The following CSMD1 variants were observed in gnomAD, a reference collection of about 807,000 sequenced individuals.
CSMD1 encodes CUB and Sushi multiple domains 1.
A neutral mutation model predicts 417.5 loss-of-function variants in CSMD1; 213 were observed. That is an observed-to-expected ratio of 0.51 (90% CI 0.46 to 0.57). The LOEUF is 0.57. Ranked by LOEUF, CSMD1 falls within the 20% of genes least tolerant of loss-of-function variation. The pLI is 0.00. For missense variants in CSMD1, 6,923 were observed against 4,529.7 expected (o/e 1.53, Z -15.17); for synonymous variants, 2,862 against 1,736.8 (o/e 1.65, Z -16.11).
chr8:4,986,980 A>G (rs1398259349), intron 1 of CSMD1, among the ~76,000 whole-genome samples: 1 of 152,156 alleles, frequency 6.6e-6, no homozygotes, highest in Non-Finnish European at 1.5e-5. Context: ...TACATAGATA[A>G]TGTTTATATA....
chr8:3,980,459 G>A (rs527325873), intron 5 of CSMD1, among the ~76,000 whole-genome samples: 1 of 152,100 alleles, frequency 6.6e-6, no homozygotes, highest in Non-Finnish European at 1.5e-5. Flanking sequence ...CGTTTGTGAA[G>A]ATTTTTTTTT....
At chr8:3,277,820 G>C (rs1802419128) in intron 26 of CSMD1, among the ~76,000 whole-genome samples, 2 of 152,122 alleles carry the variant, frequency 1.3e-5, no homozygotes, top group South Asian at 4.1e-4. Context: ...TAATGGGATT[G>C]GGGGGATGAA....
intron 5 of CSMD1, among the ~76,000 whole-genome samples, chr8:3,884,828 T>G (rs1465028386): frequency 1.3e-5 from 2 of 151,780 alleles, no homozygotes; most frequent in Non-Finnish European, 2.9e-5. Context: ...AATCTCTACT[T>G]CGTCGTCAGT....
At chr8:4,640,213 A>T (rs989517579) in intron 1 of CSMD1, among the ~76,000 whole-genome samples, 2 of 152,250 alleles carry the variant, frequency 1.3e-5, no homozygotes, top group African/African-American at 4.8e-5. Flanking sequence ...TGATCCATTC[A>T]TTGACATTCC....
At chr8:3,283,178 C>G (rs567684293) in intron 26 of CSMD1, among the ~76,000 whole-genome samples, 1 of 152,024 alleles carries the variant, frequency 6.6e-6, no homozygotes, top group African/African-American at 2.4e-5. Flanking sequence ...AACTTTATCC[C>G]TAAGGTGGAA....
At chr8:4,152,980 T>C (rs1325898660) in intron 3 of CSMD1, among the ~76,000 whole-genome samples, 1 of 152,206 alleles carries the variant, frequency 6.6e-6, no homozygotes, top group Non-Finnish European at 1.5e-5. Flanking sequence ...TTTTCTGCTA[T>C]GACAAGGTGA....
chr8:3,714,608 G>T (rs1446616954), intron 6 of CSMD1, among the ~76,000 whole-genome samples: 1 of 143,164 alleles, frequency 7.0e-6, no homozygotes, highest in Non-Finnish European at 1.5e-5. Flanking sequence ...ATGGTGGCGG[G>T]CGACTGTAGT....
At chr8:3,452,786 G>C (rs1351871730) in intron 12 of CSMD1, among the ~76,000 whole-genome samples, 4 of 152,026 alleles carry the variant, frequency 2.6e-5, no homozygotes, top group African/African-American at 4.8e-5. Context: ...CTCTTTTTTT[G>C]TTGTGTCTCT....
intron 3 of CSMD1, among the ~76,000 whole-genome samples, chr8:4,239,057 C>CA (rs1802235697): frequency 6.6e-6 from 1 of 152,100 alleles, no homozygotes; most frequent in South Asian, 2.1e-4. Flanking sequence ...CATCCCTGAA[C>CA]AAAAATAACT....
At chr8:4,336,471 G>C (rs1231805694) in intron 3 of CSMD1, among the ~76,000 whole-genome samples, 1 of 152,102 alleles carries the variant, frequency 6.6e-6, no homozygotes, top group Non-Finnish European at 1.5e-5. Flanking sequence ...AGATGTTTGA[G>C]CCTTCAGACA....
At chr8:4,550,717 A>T (rs1223327007) in intron 2 of CSMD1, among the ~76,000 whole-genome samples, 1 of 152,184 alleles carries the variant, frequency 6.6e-6, no homozygotes, top group African/African-American at 2.4e-5. Context: ...TCCAGTCCAC[A>T]GTGTCACATG....
chr8:3,953,612 G>C (rs1023138753), intron 5 of CSMD1, among the ~76,000 whole-genome samples: 1 of 151,994 alleles, frequency 6.6e-6, no homozygotes, highest in Admixed American at 6.6e-5. Context: ...CCAAGCATAC[G>C]CATTTCAAGG....
At chr8:3,501,309 T>G (rs1427426665) in intron 10 of CSMD1, among the ~76,000 whole-genome samples, 1 of 152,180 alleles carries the variant, frequency 6.6e-6, no homozygotes, top group Non-Finnish European at 1.5e-5. Context: ...GAAAAATGTA[T>G]GCATCATTGG....
At chr8:3,010,270 GTT>G (rs1480780401) in intron 52 of CSMD1, among the ~76,000 whole-genome samples, 1 of 152,166 alleles carries the variant, frequency 6.6e-6, no homozygotes, top group Non-Finnish European at 1.5e-5. Flanking sequence ...CTTCTACTGT[GTT>G]TTGTTTTAGA....
At chr8:4,018,594 C>T (rs898150583) in intron 4 of CSMD1, among the ~76,000 whole-genome samples, 1 of 152,352 alleles carries the variant, frequency 6.6e-6, no homozygotes, top group African/African-American at 2.4e-5. Flanking sequence ...CCAGCACCCC[C>T]TGCCCCACTC....
chr8:4,185,397 G>C (rs1268062335), intron 3 of CSMD1, among the ~76,000 whole-genome samples: 3 of 151,998 alleles, frequency 2.0e-5, no homozygotes, highest in African/African-American at 7.2e-5. Flanking sequence ...ACCCAGAATA[G>C]TACCCCTAAG....
chr8:3,463,102 C>T (rs1816610415), intron 12 of CSMD1, among the ~76,000 whole-genome samples: 2 of 152,202 alleles, frequency 1.3e-5, no homozygotes, highest in South Asian at 2.1e-4. Flanking sequence ...GTGAGAGATA[C>T]AATTCCATTG....
At chr8:3,394,949 C>T (rs145967964) in intron 17 of CSMD1, among the ~76,000 whole-genome samples, 46 of 152,150 alleles carry the variant, frequency 3.0e-4, no homozygotes, top group African/African-American at 1.0e-3. Flanking sequence ...TAGACAAAAT[C>T]TTAAGATATA....
chr8:3,901,288 C>G (rs1037577538), intron 5 of CSMD1, among the ~76,000 whole-genome samples: 2 of 152,026 alleles, frequency 1.3e-5, no homozygotes, highest in African/African-American at 2.4e-5. Flanking sequence ...CACTTTTTCC[C>G]TTTTTCTTTC....
Sources: gnomAD v4.1 joint callset for allele counts (sites outside exome capture counted in the v4.1 genomes callset) on GRCh38, gnomAD v4.1.1 for gene constraint, MANE v1.5 for transcripts, NCBI Gene and HGNC (gene_info 2026-07-23, HGNC 2026-07-21) for gene names.